Variants in STXBP5L observed in about 807,000 individuals in gnomAD.
STXBP5L encodes the protein syntaxin binding protein 5L, also known as syntaxin-binding protein 5-like.
STXBP5L carries 65 observed loss-of-function variants against 144.5 expected under a neutral mutation model. That is an observed-to-expected ratio of 0.45 (90% CI 0.37 to 0.55). The LOEUF (loss-of-function observed/expected upper bound fraction) is 0.55. Among genes scored for constraint, STXBP5L ranks in the 20% least tolerant of loss-of-function variants. The probability of loss-of-function intolerance (pLI) is 0.00; values close to 1 mark genes in which losing one functional copy is unlikely to be tolerated. For synonymous variants in STXBP5L, 505 were observed against 469.6 expected (o/e 1.08, Z -0.97); for missense variants, 1,298 against 1,405.5 (o/e 0.92, Z 1.22).
At chr3:120,952,589 A>G (rs1711340345) in intron 2 of STXBP5L, among the ~76,000 whole-genome samples, 1 of 152,040 alleles carries the variant, frequency 6.6e-6, no homozygotes, top group African/African-American at 2.4e-5. Context: ...TATAATGGTG[A>G]TTTTGCAACA....
chr3:121,111,301 TGGA>T (rs530900702), intron 5 of STXBP5L, among the ~76,000 whole-genome samples: 20 of 152,184 alleles, frequency 1.3e-4, no homozygotes, highest in Non-Finnish European at 2.6e-4. Context: ...TGCAATAATT[TGGA>T]GGAGGAGAAG....
intron 2 of STXBP5L, among the ~76,000 whole-genome samples, chr3:120,946,324 C>T (rs1474005867): frequency 2.6e-5 from 4 of 151,718 alleles, no homozygotes; most frequent in Non-Finnish European, 4.4e-5. Flanking sequence ...CTGCCATCCT[C>T]AACATATGGC....
At chr3:121,108,361 G>A (rs904948106) in intron 5 of STXBP5L, among the ~76,000 whole-genome samples, 1 of 151,984 alleles carries the variant, frequency 6.6e-6, no homozygotes, top group African/African-American at 2.4e-5. Context: ...GTTCTAAATG[G>A]CTCTTATTAT....
chr3:121,411,608 T>G (rs1013146594), intron 23 of STXBP5L, among the ~76,000 whole-genome samples: 15 of 152,246 alleles, frequency 9.9e-5, no homozygotes, highest in African/African-American at 2.9e-4. Flanking sequence ...AGCCATGGGG[T>G]AAGACAATTC....
chr3:121,001,484 G>T (rs913499964), intron 3 of STXBP5L, among the ~76,000 whole-genome samples: 1 of 152,170 alleles, frequency 6.6e-6, no homozygotes, highest in African/African-American at 2.4e-5. Context: ...TGGAGGATGG[G>T]TATCCCTGGC....
intron 2 of STXBP5L, among the ~76,000 whole-genome samples, chr3:120,943,009 T>A (rs1710647349): frequency 1.3e-5 from 2 of 151,756 alleles, no homozygotes; most frequent in Non-Finnish European, 3.0e-5. Context: ...TAATGAATAA[T>A]GTCAATACAA....
intron 19 of STXBP5L, among the ~76,000 whole-genome samples, chr3:121,300,787 C>G (rs2051864471): frequency 6.6e-6 from 1 of 151,898 alleles, no homozygotes; most frequent in Admixed American, 6.6e-5. Context: ...TAGACATAAA[C>G]TTAACCCCAT....
At chr3:121,235,320 C>G (rs1257505236) in intron 12 of STXBP5L, among the ~76,000 whole-genome samples, 1 of 151,832 alleles carries the variant, frequency 6.6e-6, no homozygotes, top group Non-Finnish European at 1.5e-5. Flanking sequence ...CAATTTTTTT[C>G]TTTTTATCTT....
intron 6 of STXBP5L, among the ~76,000 whole-genome samples, chr3:121,118,242 C>T (rs779472590): frequency 7.9e-5 from 12 of 151,530 alleles, no homozygotes; most frequent in Non-Finnish European, 1.2e-4. Context: ...TATGGCAATT[C>T]CATAAGAAGG....
intron 19 of STXBP5L, among the ~76,000 whole-genome samples, chr3:121,313,824 C>T (rs2043665274): frequency 1.4e-5 from 2 of 144,390 alleles, no homozygotes; most frequent in Admixed American, 6.8e-5. Context: ...GACGGAGGGG[C>T]TCCTCACTTC....
At chr3:121,051,660 C>A (rs1188142927) in intron 5 of STXBP5L, among the ~76,000 whole-genome samples, 1 of 152,128 alleles carries the variant, frequency 6.6e-6, no homozygotes, top group Non-Finnish European at 1.5e-5. Context: ...CACACCCTAA[C>A]ATCAAAATTA....
chr3:121,339,654 A>G (rs970855406), intron 20 of STXBP5L, among the ~76,000 whole-genome samples: 2 of 152,132 alleles, frequency 1.3e-5, no homozygotes, highest in Admixed American at 1.3e-4. Context: ...GTGTAACTAG[A>G]AAAACCTAAA....
chr3:121,302,813 A>G (rs1002367495), intron 19 of STXBP5L, among the ~76,000 whole-genome samples: 17 of 152,192 alleles, frequency 1.1e-4, no homozygotes, highest in Admixed American at 1.1e-3. Flanking sequence ...GGTGCTGGGA[A>G]AACTGGCTAG....
At chr3:121,209,101 T>C (rs1053856502) in intron 10 of STXBP5L, among the ~76,000 whole-genome samples, 27 of 152,334 alleles carry the variant, frequency 1.8e-4, no homozygotes, top group Non-Finnish European at 3.7e-4. Flanking sequence ...CATGAACTTG[T>C]CTTTTTTAAT....
At chr3:121,392,807 A>ATG (rs2046627890) in intron 22 of STXBP5L, among the ~76,000 whole-genome samples, 1 of 121,620 alleles carries the variant, frequency 8.2e-6, no homozygotes, top group Non-Finnish European at 1.7e-5. Flanking sequence ...ATATATATAT[A>ATG]TCACATTTTT....
At chr3:121,132,165 C>T (rs913769979) in intron 7 of STXBP5L, among the ~76,000 whole-genome samples, 3 of 152,216 alleles carry the variant, frequency 2.0e-5, no homozygotes, top group Non-Finnish European at 4.4e-5. Context: ...GCAAATTGCG[C>T]TGATAAACAC....
chr3:121,066,674 A>T (rs920365146), intron 5 of STXBP5L, among the ~76,000 whole-genome samples: 1 of 152,100 alleles, frequency 6.6e-6, no homozygotes, highest in Admixed American at 6.5e-5. Flanking sequence ...TTAGTATGTA[A>T]GTTTCCATTC....
rs986004017 is a variant in STXBP5L at position 121,006,864 on chromosome 3, G to A, written c.288-34836G>A. 3.3e-5 allele frequency among the ~76,000 whole-genome samples: 5 copies of A among 152,144 alleles called. No homozygotes were observed. In the South Asian group the frequency reaches 8.3e-4, roughly 25 times the overall value. ...GTTGAAAATTATTTTCTTTAAGAATGTTGAATATTGGCCCCCACTCTCTTC... is the reference window on the plus strand; with the variant it reads ...GTTGAAAATTATTTTCTTTAAGAATATTGAATATTGGCCCCCACTCTCTTC... On this transcript the variant is annotated intron_variant, in intron 3 of 26. Coordinates refer to ENST00000471454, the MANE Select transcript of STXBP5L (RefSeq NM_001308330.2).
At chr3:120,993,172 G>T (rs537778804) in intron 3 of STXBP5L, among the ~76,000 whole-genome samples, 18 of 152,096 alleles carry the variant, frequency 1.2e-4, no homozygotes, top group African/African-American at 4.3e-4. Context: ...TGATTTTGCT[G>T]TTGAACTATT....
Sources: allele counts gnomAD v4.1 joint callset (sites outside exome capture counted in the v4.1 genomes callset), GRCh38; gene constraint gnomAD v4.1.1; transcripts MANE v1.5; gene names NCBI Gene and HGNC (gene_info 2026-07-23, HGNC 2026-07-21).